DOCK7: variants seen among roughly 807,000 people sequenced by gnomAD.
DOCK7 encodes dedicator of cytokinesis 7.
Under a neutral mutation model 271.0 loss-of-function variants are expected in DOCK7, and 138 were observed. The ratio of observed to expected loss-of-function variants is 0.51; its 90% CI spans 0.44 to 0.59. The LOEUF (loss-of-function observed/expected upper bound fraction) is 0.59, where lower values mean the gene tolerates loss of function less well. Among genes scored for constraint, DOCK7 ranks in the 20% least tolerant of loss-of-function variants. The pLI is 0.00. For missense variants in DOCK7, 2,066 were observed against 2,592.4 expected (o/e 0.80, Z 4.41); for synonymous variants, 823 against 876.1 (o/e 0.94, Z 1.07).
intron 33 of DOCK7, among the ~76,000 whole-genome samples, 167 bp downstream of exon 33, chr1:62,513,277 A>G (rs1644552718): frequency 9.1e-6 from 1 of 109,680 alleles, no homozygotes; most frequent in Non-Finnish European, 1.8e-5. Flanking sequence ...CGGTATGCTG[A>G]CTCACCTAAA....
At chr1:62,523,254 A>G (rs1557664050) in intron 31 of DOCK7, among the ~76,000 whole-genome samples, 1 of 152,200 alleles carries the variant, frequency 6.6e-6, no homozygotes, top group Non-Finnish European at 1.5e-5. Context: ...TTAAAAATGT[A>G]TGACTTTCTC....
intron 22 of DOCK7, among the ~76,000 whole-genome samples, chr1:62,550,276 AAAAT>A (rs1327314149): frequency 1.3e-5 from 2 of 152,142 alleles, no homozygotes; most frequent in Non-Finnish European, 2.9e-5. Context: ...TTAATTTAGA[AAAAT>A]AAATAGCTCA....
At chr1:62,655,425 CTT>C (rs200798806) in intron 2 of DOCK7, among the ~76,000 whole-genome samples, 8 of 86,318 alleles carry the variant, frequency 9.3e-5, no homozygotes, top group African/African-American at 1.9e-4. Context: ...TTTTTCTTTT[CTT>C]TTTTTTTTTT....
intron 18 of DOCK7, among the ~76,000 whole-genome samples, chr1:62,563,335 T>C (rs1646395253): frequency 6.6e-6 from 1 of 152,058 alleles, no homozygotes; most frequent in Non-Finnish European, 1.5e-5. Flanking sequence ...CTGGATGTAA[T>C]TAAAAATTAT....
chr1:62,479,062 T>A (rs1405897770), intron 43 of DOCK7: 1 of 152,194 alleles, frequency 6.6e-6, no homozygotes, highest in East Asian at 1.9e-4. Flanking sequence ...ATTTTTACAA[T>A]TTAGATACAA....
chr1:62,650,454 T>C (rs1184974301), intron 4 of DOCK7, among the ~76,000 whole-genome samples: 1 of 152,158 alleles, frequency 6.6e-6, no homozygotes, highest in African/African-American at 2.4e-5. Context: ...GGGATCTAAT[T>C]AAACTAAAGA....
At chr1:62,631,045 C>T (rs966552675) in intron 11 of DOCK7, among the ~76,000 whole-genome samples, 195 bp downstream of exon 11, 5 of 151,784 alleles carry the variant, frequency 3.3e-5, no homozygotes, top group South Asian at 2.1e-4. Context: ...ATTAGCCAGG[C>T]GTGGTGGCGC....
rs779072011 is a variant in DOCK7 at position 62,537,949 on chromosome 1, C to T, written c.3413G>A (p.Cys1138Tyr). The T allele has an allele frequency of 6.2e-6, 10 of 1,613,822 alleles. No homozygotes were observed. Among genetic ancestry groups the T allele is most frequent in the Non-Finnish European group, 8.5e-6 (10 of 1,179,852 alleles). Residue 1138 changes from cysteine to tyrosine, a missense_variant, in exon 28 of 50, where the codon TGC becomes TAC. Physicochemically the swap from Cys to Tyr is radical, Grantham distance 194. This residue lies in a region of DOCK7 where 1,414 missense variants were observed against 1,670.4 expected (regional missense o/e 0.85). Transcript: ENST00000635253. Reference sequence around the variant, plus strand: ...AGATGCAGGTGGAGTAAGTAAGCTGCAGGGTAAGTTTAATGTAACATAGTG... The same window carrying T: ...AGATGCAGGTGGAGTAAGTAAGCTGTAGGGTAAGTTTAATGTAACATAGTG... ...HEHYVTLNLPCSLLTPPASPS... is the reference protein window; with the variant it reads ...HEHYVTLNLPYSLLTPPASPS...
intron 28 of DOCK7, among the ~76,000 whole-genome samples, chr1:62,536,222 C>G (rs1381797065): frequency 2.6e-5 from 4 of 152,094 alleles, no homozygotes; most frequent in Non-Finnish European, 5.9e-5. Context: ...TTTCACATTT[C>G]TCTATGGCGA....
chr1:62,674,156 T>A (rs1349907666), intron 1 of DOCK7, among the ~76,000 whole-genome samples: 2 of 152,162 alleles, frequency 1.3e-5, no homozygotes, highest in Non-Finnish European at 2.9e-5. Context: ...CTCTATATAC[T>A]AGCAATGAAC....
At chr1:62,477,977 A>C in intron 43 of DOCK7, 152 bp from the exon 44 acceptor site, 1 of 856,176 alleles carries the variant, frequency 1.2e-6, no homozygotes, top group Non-Finnish European at 1.7e-6. Flanking sequence ...AGGTTTAAAC[A>C]AAGTAAACAG....
intron 22 of DOCK7, 138 bp from the exon 23 acceptor site, chr1:62,545,177 G>A: frequency 1.6e-6 from 1 of 635,298 alleles, no homozygotes; most frequent in African/African-American, 1.9e-5. Context: ...AAAATTTGTA[G>A]GCACCTATAG....
chr1:62,573,752 T>C (rs995474531), intron 18 of DOCK7, among the ~76,000 whole-genome samples: 1 of 152,124 alleles, frequency 6.6e-6, no homozygotes, highest in Non-Finnish European at 1.5e-5. Context: ...TTATGTTCTA[T>C]ACATTTTTTA....
At chr1:62,469,222 C>A (rs1645761200) in intron 48 of DOCK7, among the ~76,000 whole-genome samples, 1 of 152,130 alleles carries the variant, frequency 6.6e-6, no homozygotes, top group Admixed American at 6.5e-5. Flanking sequence ...TAAAAATAGG[C>A]ACATAGACCA....
intron 37 of DOCK7, among the ~76,000 whole-genome samples, chr1:62,500,383 A>G (rs1172451583): frequency 3.3e-5 from 5 of 152,200 alleles, no homozygotes; most frequent in Non-Finnish European, 7.3e-5. Context: ...ACAGAAATGA[A>G]GATGAAATTT....
chr1:62,613,837 C>T (rs1161832143), intron 14 of DOCK7, among the ~76,000 whole-genome samples: 1 of 152,054 alleles, frequency 6.6e-6, no homozygotes, highest in East Asian at 1.9e-4. Flanking sequence ...TTTCTTAAAA[C>T]ACACATGAAC....
chr1:62,510,276 T>C (rs1644445273), intron 34 of DOCK7, among the ~76,000 whole-genome samples: 1 of 152,182 alleles, frequency 6.6e-6, no homozygotes, highest in South Asian at 2.1e-4. Context: ...TTTGAAATAT[T>C]AGTTCAATGT....
intron 7 of DOCK7, among the ~76,000 whole-genome samples, chr1:62,643,782 T>A (rs910727154): frequency 6.6e-6 from 1 of 152,108 alleles, no homozygotes; most frequent in Non-Finnish European, 1.5e-5. Context: ...TTATTTTCCA[T>A]CTATTTACAT....
At chr1:62,671,072 G>A (rs1659945145) in intron 1 of DOCK7, among the ~76,000 whole-genome samples, 1 of 151,730 alleles carries the variant, frequency 6.6e-6, no homozygotes, top group Non-Finnish European at 1.5e-5. Context: ...GCAAAGGTCT[G>A]CAGCTTCACT....
Sources: gnomAD v4.1 joint callset for allele counts (sites outside exome capture counted in the v4.1 genomes callset) on GRCh38, gnomAD v4.1.1 for gene constraint, gnomAD v4.1.1 regional missense constraint, MANE v1.5 for transcripts, NCBI Gene and HGNC (gene_info 2026-07-23, HGNC 2026-07-21) for gene names.